Variants in ATAD3B observed in about 807,000 individuals in gnomAD.
ATAD3B encodes ATPase family AAA domain containing 3B.
In ATAD3B, 59 loss-of-function variants were observed where a neutral mutation model predicts 70.2. That is an observed-to-expected ratio of 0.84 (90% CI 0.68 to 1.04). The LOEUF (loss-of-function observed/expected upper bound fraction) is 1.04, where lower values mean the gene tolerates loss of function less well. ATAD3B is among the 50% of genes least tolerant of loss of function. The pLI is 0.00. For missense variants in ATAD3B, 961 were observed against 913.4 expected (o/e 1.05, Z -0.67); for synonymous variants, 423 against 388.6 (o/e 1.09, Z -1.04).
At chr1:1,477,233 G>C (rs779627271) in intron 1 of ATAD3B, 41 bp from the exon 2 acceptor site, 3 of 1,608,502 alleles carry the variant, frequency 1.9e-6, no homozygotes, top group East Asian at 2.2e-5. Context: ...TTTGGTATCC[G>C]TGTATCCTAC....
At chr1:1,500,484 G>A (rs1489153946), downstream of ATAD3B, among the ~76,000 whole-genome samples, 5 of 149,172 alleles carry the variant, frequency 3.4e-5, no homozygotes, top group South Asian at 4.2e-4. Context: ...CCCAGGAGGC[G>A]GAGCTTGCAG....
chr1:1,506,121 T>G, the ATAD3B span, among the ~76,000 whole-genome samples: 1 of 152,080 alleles, frequency 6.6e-6, no homozygotes, highest in Admixed American at 6.6e-5. Context: ...TAATCCTACC[T>G]ACCTGGGAGG....
At chr1:1,495,386 T>A (rs992577533) in intron 15 of ATAD3B, 99 bp from the exon 16 acceptor site, 14 of 1,454,322 alleles carry the variant, frequency 9.6e-6, no homozygotes, top group African/African-American at 1.4e-5. Context: ...GTTGTCCTGG[T>A]GCCCCTGGTT....
intron 1 of ATAD3B, among the ~76,000 whole-genome samples, chr1:1,474,642 G>T (rs566341199): frequency 5.3e-5 from 8 of 152,112 alleles, no homozygotes; most frequent in African/African-American, 1.9e-4. Context: ...TGGGATCACA[G>T]GCGCCCGCCA....
rs573716499 is a variant in ATAD3B, at chr1:1,480,976, G to C, written c.514+40G>C. On this transcript the variant is annotated intron_variant, in intron 5 of 15. Coordinates refer to ENST00000673477, the MANE Select transcript of ATAD3B (RefSeq NM_031921.6). ...CTCCTGGCTGGGGCGGAGGTGGCGG[G>C]GGCTGCTTGTGGATCCGGCGTGCAC... 3.2e-6 allele frequency: 5 copies of C among 1,583,318 alleles called. 1 individual carries two copies. The African/African-American group carries it at 7.4e-5, about 24-fold the overall frequency.
the ATAD3B span, among the ~76,000 whole-genome samples, chr1:1,507,877 C>T: frequency 2.6e-5 from 4 of 152,242 alleles, no homozygotes; most frequent in African/African-American, 7.2e-5. Context: ...AGAGAGCTCC[C>T]GGGCCTGGGG....
chr1:1,474,624 C>T (rs936831377), intron 1 of ATAD3B, among the ~76,000 whole-genome samples: 5 of 152,082 alleles, frequency 3.3e-5, no homozygotes, highest in East Asian at 3.9e-4. Flanking sequence ...CTCAGCCTCC[C>T]GAGTAGCTGG....
intron 7 of ATAD3B, chr1:1,483,337 TGC>T (rs1640026056): frequency 1.6e-5 from 4 of 257,394 alleles, no homozygotes; most frequent in South Asian, 1.4e-4. Context: ...CAAGGTGGCG[TGC>T]GCCTGGAATC....
At chr1:1,503,722 T>G in the ATAD3B span, 13 of 1,596,928 alleles carry the variant, frequency 8.1e-6, no homozygotes, top group Non-Finnish European at 1.1e-5. Flanking sequence ...GCATGGAGAT[T>G]GGTAGGGCTA....
chr1:1,477,677 T>TTTTTATTTTATTTTATTTTATTTTA (rs199892482), intron 2 of ATAD3B, among the ~76,000 whole-genome samples: 2 of 147,984 alleles, frequency 1.4e-5, no homozygotes, highest in South Asian at 2.2e-4. Flanking sequence ...TCAGCAGGAT[T>TTTTTATTTTATTTTATTTTATTTTA]TTTTATTTTA....
intron 14 of ATAD3B, 42 bp from the exon 15 acceptor site, chr1:1,490,521 G>A (rs779242814): frequency 7.5e-6 from 12 of 1,610,712 alleles, no homozygotes; most frequent in Non-Finnish European, 1.0e-5. Context: ...ATGGTGTGGG[G>A]TCCGCGGCCT....
chr1:1,483,136 GAA>G lies in ATAD3B; in HGVS notation c.750+530_750+531del, dbSNP rs753675650. ...GAAACCCTGTCTCTACTAAAAAAAA[GAA>G]AAAAAAAGAAAAGAATTAGCTGGGT... On this transcript the variant is annotated intron_variant, in intron 7 of 15. Coordinates refer to ENST00000673477, the MANE Select transcript of ATAD3B (RefSeq NM_031921.6). 1.6e-4 allele frequency: 63 copies of G among 383,996 alleles called. 1 individual carries two copies. The highest frequency in any genetic ancestry group is 1.3e-3 in the African/African-American group (59 of 45,848). The allele number at this position is 383,996 out of a possible 1,614,324, so 23.8% of individuals were successfully genotyped here.
intron 14 of ATAD3B, 41 bp downstream of exon 14, chr1:1,490,465 T>C: frequency 6.2e-7 from 1 of 1,612,038 alleles, no homozygotes; most frequent in South Asian, 1.1e-5. Context: ...CCAGGCACCA[T>C]ATGGCATGGG....
chr1:1,505,975 G>A, the ATAD3B span, among the ~76,000 whole-genome samples: 3 of 152,296 alleles, frequency 2.0e-5, no homozygotes, highest in African/African-American at 7.2e-5. Flanking sequence ...GCTCATGGCT[G>A]TAATCCCAGC....
At chr1:1,499,469 T>G (rs565375904), downstream of ATAD3B, among the ~76,000 whole-genome samples, 99 of 151,448 alleles carry the variant, frequency 6.5e-4, no homozygotes, top group Non-Finnish European at 1.3e-3. Flanking sequence ...ACTCCTGACC[T>G]CATGATCCGC....
rs921244037 is a variant in ATAD3B at position 1,484,847 on chromosome 1, C to T, written c.751-169C>T. ...GACTGCCCCACCTGCCTCCTGTAAC[C>T]GCGTGGCTGTGGGATTCGGGGCTGG... On this transcript the variant is annotated intron_variant, in intron 7 of 15. Transcript: ENST00000673477. 1.1e-4 allele frequency: 149 copies of T among 1,405,946 alleles called. 2 individuals are homozygous for T. The highest frequency in any genetic ancestry group is 2.6e-4 in the Middle Eastern group (1 of 3,850). The allele number at this position is 1,405,946 out of a possible 1,614,324, so 87.1% of individuals were successfully genotyped here. A position where few individuals can be genotyped will look rare whatever the true frequency, so the allele number is the denominator to read the frequency against.
At chr1:1,486,045 GCC>G (rs1640194169) in intron 9 of ATAD3B, 63 bp from the exon 10 acceptor site, 4 of 1,610,052 alleles carry the variant, frequency 2.5e-6, no homozygotes, top group Non-Finnish European at 3.4e-6. Context: ...CATTCCCGCA[GCC>G]CCTGTCACCG....
chr1:1,487,992 G>T (rs1426577153), intron 12 of ATAD3B, 78 bp downstream of exon 12: 14 of 1,581,414 alleles, frequency 8.9e-6, no homozygotes, highest in Non-Finnish European at 1.2e-5. Flanking sequence ...CCAGGCTGCA[G>T]CCCTTAAGCT....
downstream of ATAD3B, among the ~76,000 whole-genome samples, chr1:1,499,279 C>CTTTTT (rs752359726): frequency 8.8e-6 from 1 of 113,838 alleles, no homozygotes; most frequent in Admixed American, 9.4e-5. Context: ...CCTGGAATAC[C>CTTTTT]TTTTTTTTTT....
Sources: allele counts gnomAD v4.1 joint callset (sites outside exome capture counted in the v4.1 genomes callset), GRCh38; gene constraint gnomAD v4.1.1; transcripts MANE v1.5; gene names NCBI Gene and HGNC (gene_info 2026-07-23, HGNC 2026-07-21).